Variants in RBFOX1 observed in about 807,000 individuals in gnomAD.
RBFOX1 encodes RNA binding protein fox-1 homolog 1.
A neutral mutation model predicts 57.7 loss-of-function variants in RBFOX1; 8 were observed. The ratio of observed to expected loss-of-function variants is 0.14; its 90% CI spans 0.08 to 0.25. The LOEUF is 0.25. Ranked by LOEUF, RBFOX1 falls within the 10% of genes least tolerant of loss-of-function variation. RBFOX1 has a pLI of 1.00. For synonymous variants in RBFOX1, 326 were observed against 222.4 expected (o/e 1.47, Z -4.15); for missense variants, 611 against 548.5 (o/e 1.11, Z -1.14).
chr16:5,302,127 C>A (rs1423912708), intron 1 of RBFOX1, among the ~76,000 whole-genome samples: 1 of 152,082 alleles, frequency 6.6e-6, no homozygotes, highest in South Asian at 2.1e-4. Context: ...TCACAAATTT[C>A]AATATATTGT....
chr16:6,032,569 C>T (rs1731382886), intron 1 of RBFOX1, among the ~76,000 whole-genome samples: 1 of 152,046 alleles, frequency 6.6e-6, no homozygotes, highest in African/African-American at 2.4e-5. Flanking sequence ...TGCCTCATTG[C>T]AGAAGAATAA....
chr16:6,163,670 C>A (rs1390793278), intron 1 of RBFOX1, among the ~76,000 whole-genome samples: 1 of 152,086 alleles, frequency 6.6e-6, no homozygotes, highest in Non-Finnish European at 1.5e-5. Flanking sequence ...TTTGTTCTTT[C>A]CAAAATGTTT....
intron 1 of RBFOX1, among the ~76,000 whole-genome samples, chr16:6,077,336 T>A (rs527783045): frequency 6.6e-6 from 1 of 152,178 alleles, no homozygotes; most frequent in East Asian, 1.9e-4. Flanking sequence ...ACAAGTCATA[T>A]CTTTAAAAGG....
chr16:6,419,714 A>T lies in RBFOX1; in HGVS notation c.-64+102657A>T, dbSNP rs931604632. ...ATTCCCGTTCTTCATAGACTATATG[A>T]CACATCCCAGTCGTGTTCTATCTTT... On this transcript the variant is annotated intron_variant, in intron 2 of 15. Transcript: ENST00000550418. 2.0e-5 allele frequency among the ~76,000 whole-genome samples: 3 copies of T among 152,052 alleles called. No homozygotes were observed. The South Asian group carries it at 6.2e-4, about 31-fold the overall frequency.
intron 4 of RBFOX1, among the ~76,000 whole-genome samples, chr16:7,128,063 C>G (rs1180477716): frequency 6.6e-6 from 1 of 152,184 alleles, no homozygotes; most frequent in Non-Finnish European, 1.5e-5. Flanking sequence ...CTGGCAAATT[C>G]TTCCTTAATG....
At chr16:7,181,714 G>T (rs1034551746) in intron 4 of RBFOX1, among the ~76,000 whole-genome samples, 1 of 151,974 alleles carries the variant, frequency 6.6e-6, no homozygotes, top group African/African-American at 2.4e-5. Flanking sequence ...AGGTATGCAC[G>T]ATGCCTGGCT....
At chr16:7,492,641 G>A (rs1377074306) in intron 4 of RBFOX1, among the ~76,000 whole-genome samples, 1 of 152,188 alleles carries the variant, frequency 6.6e-6, no homozygotes, top group East Asian at 1.9e-4. Flanking sequence ...GGGCCTGGTG[G>A]GAGGTGATTG....
intron 3 of RBFOX1, among the ~76,000 whole-genome samples, chr16:5,829,361 C>T (rs973125869): frequency 5.3e-5 from 8 of 151,918 alleles, no homozygotes; most frequent in Admixed American, 3.3e-4. Context: ...TTGATGACTG[C>T]GAGGAGAATG....
chr16:5,690,784 T>C (rs10459826), intron 3 of RBFOX1, among the ~76,000 whole-genome samples: 1 of 152,014 alleles, frequency 6.6e-6, no homozygotes, highest in Non-Finnish European at 1.5e-5. Context: ...TGAATTGGAT[T>C]TGAAACCTGA....
chr16:7,133,506 A>T (rs1468295960), intron 4 of RBFOX1, among the ~76,000 whole-genome samples: 3 of 152,186 alleles, frequency 2.0e-5, no homozygotes, highest in Admixed American at 1.3e-4. Context: ...TTTTGTTGCA[A>T]CCAACAGAGA....
At chr16:7,248,399 C>G (rs1164309960) in intron 4 of RBFOX1, among the ~76,000 whole-genome samples, 1 of 152,150 alleles carries the variant, frequency 6.6e-6, no homozygotes, top group East Asian at 1.9e-4. Flanking sequence ...TACATTTGTG[C>G]AGAATCTTCT....
At chr16:5,585,511 C>G (rs372266189) in intron 2 of RBFOX1, among the ~76,000 whole-genome samples, 238 of 152,304 alleles carry the variant, frequency 1.6e-3, no homozygotes, top group African/African-American at 5.6e-3. Context: ...TGGCCTGTAG[C>G]TATTTGTTTC....
At position 6,151,235 on chromosome 16, in the gene RBFOX1, C is replaced by T. The variant is rs144801955; in HGVS notation, c.-127+131243C>T. 1.2e-3 allele frequency among the ~76,000 whole-genome samples: 183 copies of T among 152,232 alleles called. No homozygotes were observed. In the East Asian group the frequency reaches 0.017, roughly 14 times the overall value. The stretch of plus-strand genomic sequence containing the variant: ...GTTTGTGGCCAGGCTTAAGGAACCC[C>T]GCGACACCATTTGTTTTCAGGAATT... On this transcript the variant is annotated intron_variant, in intron 1 of 15. Coordinates refer to ENST00000550418, the MANE Select transcript of RBFOX1 (RefSeq NM_018723.4).
chr16:7,101,799 A>C (rs781388254), intron 4 of RBFOX1, among the ~76,000 whole-genome samples: 20 of 152,142 alleles, frequency 1.3e-4, no homozygotes, highest in South Asian at 2.1e-4. Flanking sequence ...GAATGTGGCA[A>C]ATGCTCAGTA....
chr16:5,517,379 C>T (rs1018118680), intron 2 of RBFOX1, among the ~76,000 whole-genome samples: 1 of 152,246 alleles, frequency 6.6e-6, no homozygotes, highest in Non-Finnish European at 1.5e-5. Flanking sequence ...GTTTACTCAT[C>T]TACCCTTGTC....
At position 6,889,704 on chromosome 16, in the gene RBFOX1, T is replaced by G. The variant is rs374555992; in HGVS notation, c.-15-162353T>G. On this transcript the variant is annotated intron_variant, in intron 3 of 15. Coordinates refer to ENST00000550418, the MANE Select transcript of RBFOX1 (RefSeq NM_018723.4). ...ACCTAATGGTTGTTTAATAAATTCT[T>G]GAAGAGCTATATTGAAATTGGTTTG... 1.7e-3 allele frequency among the ~76,000 whole-genome samples: 258 copies of G among 152,300 alleles called. 1 individual carries two copies. The highest frequency in any genetic ancestry group is 5.7e-3 in the African/African-American group (236 of 41,562).
chr16:5,266,150 G>T (rs1228572012), intron 1 of RBFOX1, among the ~76,000 whole-genome samples: 5 of 152,270 alleles, frequency 3.3e-5, no homozygotes, highest in Non-Finnish European at 7.3e-5. Flanking sequence ...GAGCACGAAA[G>T]AGCAGATACT....
intron 14 of RBFOX1, among the ~76,000 whole-genome samples, chr16:7,706,442 C>T (rs550152197): frequency 1.2e-3 from 189 of 152,160 alleles, no homozygotes; most frequent in Non-Finnish European, 1.9e-3. Flanking sequence ...CTATGCCCAG[C>T]GTTATAGAAT....
At chr16:7,694,776 G>T (rs2078267140) in intron 14 of RBFOX1, among the ~76,000 whole-genome samples, 1 of 152,120 alleles carries the variant, frequency 6.6e-6, no homozygotes, top group South Asian at 2.1e-4. Context: ...TAGTGGAATG[G>T]AGCATGAAAC....
Sources: allele counts gnomAD v4.1 joint callset (sites outside exome capture counted in the v4.1 genomes callset), GRCh38; gene constraint gnomAD v4.1.1; transcripts MANE v1.5; gene names NCBI Gene and HGNC (gene_info 2026-07-23, HGNC 2026-07-21).